Variants in ST3GAL2 observed in about 807,000 individuals in gnomAD.
ST3GAL2 encodes ST3 beta-galactoside alpha-2,3-sialyltransferase 2.
ST3GAL2 carries 16 observed loss-of-function variants against 37.5 expected under a neutral mutation model. That is an observed-to-expected ratio of 0.43 (90% confidence interval 0.29 to 0.65). ST3GAL2 has a LOEUF of 0.65. ST3GAL2 is among the 30% of genes least tolerant of loss of function. The probability of loss-of-function intolerance (pLI) is 0.17; values close to 1 mark genes in which losing one functional copy is unlikely to be tolerated. For synonymous variants in ST3GAL2, 238 were observed against 202.9 expected, an observed-to-expected ratio of 1.17 and a Z score of -1.47; for missense variants, 383 against 487.8, an observed-to-expected ratio of 0.79 and a Z score of 2.02.
chr16:70,427,207 A>G (rs950032171), intron 1 of ST3GAL2, among the ~76,000 whole-genome samples: 2 of 151,880 alleles, frequency 1.3e-5, no homozygotes, highest in Non-Finnish European at 2.9e-5. Flanking sequence ...CATCTATCCC[A>G]CTAATTTCTG....
intron 1 of ST3GAL2, among the ~76,000 whole-genome samples, chr16:70,435,924 G>A (rs1189578889): frequency 2.0e-5 from 3 of 150,938 alleles, no homozygotes; most frequent in South Asian, 2.1e-4. Flanking sequence ...TCAGGAGTTC[G>A]AGACCAGCCT....
intron 2 of ST3GAL2, among the ~76,000 whole-genome samples, chr16:70,397,207 A>G (rs2047523138): frequency 6.7e-6 from 1 of 150,114 alleles, no homozygotes; most frequent in African/African-American, 2.4e-5. Flanking sequence ...TGCCTGGCTA[A>G]TTTTTTTTCA....
intron 1 of ST3GAL2, among the ~76,000 whole-genome samples, chr16:70,437,839 G>C (rs931293228): frequency 2.0e-5 from 3 of 152,202 alleles, no homozygotes; most frequent in Non-Finnish European, 4.4e-5. Context: ...AGGCAAGGAA[G>C]GGGTGGCCAA....
intron 3 of ST3GAL2, among the ~76,000 whole-genome samples, chr16:70,392,386 A>C (rs1195930254): frequency 6.6e-6 from 1 of 152,128 alleles, no homozygotes; most frequent in Non-Finnish European, 1.5e-5. Context: ...CATTCTAGAA[A>C]TCTATCTGTC....
chr16:70,437,055 C>G (rs1320936757), intron 1 of ST3GAL2, among the ~76,000 whole-genome samples: 1 of 152,190 alleles, frequency 6.6e-6, no homozygotes, highest in Non-Finnish European at 1.5e-5. Flanking sequence ...TGAGGCTTGG[C>G]CGGAGTAGAA....
intron 1 of ST3GAL2, among the ~76,000 whole-genome samples, chr16:70,401,345 G>A (rs1477381672): frequency 6.6e-6 from 1 of 152,156 alleles, no homozygotes; most frequent in Non-Finnish European, 1.5e-5. Flanking sequence ...TGCCTGTTAG[G>A]GAGGGGAAAA....
At position 70,381,416 on chromosome 16, in the gene ST3GAL2, G is replaced by A; in HGVS notation, c.*273C>T. ...AGGGAGTGGGGATTGAGCGGCCGCT[G>A]GCCCGCCCCCGAAGGCCATTGATTG... is the stretch of plus-strand genomic sequence containing the variant. On this transcript the variant is annotated 3_prime_UTR_variant, in exon 7 of 7. Transcript: ENST00000342907. 2 of 444,542 alleles carry A rather than the reference G, an allele frequency of 4.5e-6. No homozygotes were observed. The highest frequency in any genetic ancestry group is 3.8e-5 in the Admixed American group (1 of 26,614). 27.5% of individuals were successfully genotyped at this position (444,542 alleles called of 1,614,324 possible).
rs1018271975 is a variant in ST3GAL2, at chr16:70,381,494, G to C, written c.*195C>G. ...TTTCCTTGAGTCACATGATTGGCTGGGAGAAACAGAAGCTCCGCCCGACCG... is the reference window on the plus strand; with the variant it reads ...TTTCCTTGAGTCACATGATTGGCTGCGAGAAACAGAAGCTCCGCCCGACCG... On this transcript the variant is annotated 3_prime_UTR_variant, in exon 7 of 7. Transcript: ENST00000342907. 6 of 643,646 alleles carry C rather than the reference G, an allele frequency of 9.3e-6. No individual in the cohort carries two copies. Among genetic ancestry groups the C allele is most frequent in the African/African-American group, 5.5e-5 (3 of 54,374 alleles). The allele number at this position is 643,646 out of a possible 1,614,324, so 39.9% of individuals were successfully genotyped here.
chr16:70,415,762 CTTTTTTTT>C (rs1203693372), intron 1 of ST3GAL2, among the ~76,000 whole-genome samples: 1 of 115,924 alleles, frequency 8.6e-6, no homozygotes, highest in Non-Finnish European at 1.8e-5. Flanking sequence ...TTCCAAGATT[CTTTTTTTT>C]TTTTTTTTTT....
Position 70,376,348 on chromosome 16 carries a change from G to A in ST3GAL2, c.*5341C>T, listed in dbSNP as rs1403019897. 1 of 152,276 alleles carries A rather than the reference G, an allele frequency of 6.6e-6. No individual in the cohort carries two copies. Among genetic ancestry groups the A allele is most frequent in the Admixed American group, 6.5e-5 (1 of 15,280 alleles). The allele number at this position is 152,276 out of a possible 1,614,324, so 9.4% of individuals were successfully genotyped here. A position where few individuals can be genotyped will look rare whatever the true frequency, so the allele number is the denominator to read the frequency against. On this transcript the variant is annotated 3_prime_UTR_variant, in exon 7 of 7. Transcript: ENST00000342907. ...AGTGCAGATGCCATATGTTTCTTCT[G>A]CTTCACAGGCTTCCCTCTGGAGAGA...
At chr16:70,401,994 C>CAAA (rs749422742) in intron 1 of ST3GAL2, among the ~76,000 whole-genome samples, 343 of 59,742 alleles carry the variant, frequency 5.7e-3, no homozygotes, top group Middle Eastern at 0.019. Flanking sequence ...AACTCTGCCT[C>CAAA]AAAAAAAAAA....
At position 70,395,133 on chromosome 16, in the gene ST3GAL2, G is replaced by A; in HGVS notation, c.382C>T (p.Leu128=). 4 of 1,612,626 alleles carry A rather than the reference G, an allele frequency of 2.5e-6. No individual in the cohort carries two copies. The highest frequency in any genetic ancestry group is 2.2e-5 in the East Asian group (1 of 44,734). ...QFKSHNTNEV[L]EKLFQIVPGE... ...GGCACTATCTGGAACAGCTTCTCCA[G>A]CACCTCATTGGTGTTGTGTGACTTG... is the stretch of plus-strand genomic sequence containing the variant. Residue 128 remains leucine, a synonymous_variant, in exon 3 of 7, where the codon CTG becomes TTG. Coordinates refer to ENST00000342907, the MANE Select transcript of ST3GAL2 (RefSeq NM_006927.4).
chr16:70,431,655 A>C (rs2047790517), intron 1 of ST3GAL2, among the ~76,000 whole-genome samples: 1 of 139,842 alleles, frequency 7.2e-6, no homozygotes, highest in African/African-American at 3.3e-5. Flanking sequence ...CAAAACTCCC[A>C]TCTCTTTAAA....
At chr16:70,401,240 G>A in intron 1 of ST3GAL2, 1 of 152,518 alleles carries the variant, frequency 6.6e-6, no homozygotes. Flanking sequence ...GGCAGAGCTG[G>A]CACAGGAGGC....
intron 4 of ST3GAL2, among the ~76,000 whole-genome samples, chr16:70,384,543 A>G (rs1483797001): frequency 6.6e-6 from 1 of 151,780 alleles, no homozygotes; most frequent in Non-Finnish European, 1.5e-5. Context: ...TGTCTCTACT[A>G]AAAATACAAA....
chr16:70,386,029 T>G (rs1356223748), intron 4 of ST3GAL2, among the ~76,000 whole-genome samples: 1 of 151,896 alleles, frequency 6.6e-6, no homozygotes, highest in African/African-American at 2.4e-5. Flanking sequence ...TTTTTTTGTT[T>G]TGTTTTGTTT....
At chr16:70,397,345 C>T (rs1370048328) in intron 2 of ST3GAL2, among the ~76,000 whole-genome samples, 3 of 151,994 alleles carry the variant, frequency 2.0e-5, no homozygotes, top group African/African-American at 7.2e-5. Context: ...CCGGCCTTCC[C>T]TACAAGGCTT....
intron 3 of ST3GAL2, among the ~76,000 whole-genome samples, chr16:70,390,642 G>A (rs2047476351): frequency 6.6e-6 from 1 of 152,154 alleles, no homozygotes; most frequent in African/African-American, 2.4e-5. Flanking sequence ...CTATCTTTCT[G>A]GTGATGTGCA....
intron 3 of ST3GAL2, among the ~76,000 whole-genome samples, chr16:70,391,284 T>C (rs1158066330): frequency 1.3e-5 from 2 of 152,196 alleles, no homozygotes; most frequent in South Asian, 2.1e-4. Flanking sequence ...TCTGTGTTCC[T>C]AACCACTTCC....
Sources: allele counts gnomAD v4.1 joint callset (sites outside exome capture counted in the v4.1 genomes callset), GRCh38; gene constraint gnomAD v4.1.1; transcripts MANE v1.5; gene names NCBI Gene and HGNC (gene_info 2026-07-23, HGNC 2026-07-21).